Variants in AP1B1 observed in about 807,000 individuals in gnomAD.
AP1B1 encodes the protein AP-1 complex subunit beta-1.
AP1B1 carries 36 observed loss-of-function variants against 104.3 expected under a neutral mutation model. The observed-to-expected ratio is 0.35, with a 90% CI of 0.26 to 0.46. The LOEUF is 0.46. Among genes scored for constraint, AP1B1 ranks in the 20% least tolerant of loss-of-function variants. The probability of loss-of-function intolerance (pLI) is 1.00; values close to 1 mark genes in which losing one functional copy is unlikely to be tolerated. For missense variants in AP1B1, 901 were observed against 1,247.9 expected, an observed-to-expected ratio of 0.72 and a Z score of 4.19; for synonymous variants, 504 against 517.5, an observed-to-expected ratio of 0.97 and a Z score of 0.35.
chr22:29,365,863 G>A (rs543133434), intron 2 of AP1B1, among the ~76,000 whole-genome samples: 86 of 151,410 alleles, frequency 5.7e-4, no homozygotes, highest in Middle Eastern at 6.8e-3. Context: ...GTCCCCCCTG[G>A]ACCCAGTACA....
intron 1 of AP1B1, among the ~76,000 whole-genome samples, chr22:29,378,256 TAG>T (rs2062377482): frequency 1.3e-5 from 2 of 152,058 alleles, no homozygotes; most frequent in South Asian, 4.1e-4. Flanking sequence ...GAAAACTGAT[TAG>T]TCAAAATCAA....
intron 1 of AP1B1, among the ~76,000 whole-genome samples, chr22:29,386,235 C>G (rs961190460): frequency 1.3e-5 from 2 of 152,142 alleles, no homozygotes; most frequent in Admixed American, 6.5e-5. Flanking sequence ...GGAGGGCCAG[C>G]CTATGTCAAC....
At chr22:29,351,068 C>G in intron 9 of AP1B1, 103 bp downstream of exon 9, 1 of 1,191,540 alleles carries the variant, frequency 8.4e-7, no homozygotes, top group Non-Finnish European at 1.2e-6. Context: ...TCAGGCCTTC[C>G]CAGACCACAA....
At chr22:29,355,211 T>C (rs1014609067) in intron 6 of AP1B1, among the ~76,000 whole-genome samples, 1 of 151,350 alleles carries the variant, frequency 6.6e-6, no homozygotes, top group Non-Finnish European at 1.5e-5. Flanking sequence ...CACTCCAGCC[T>C]GGGCAACAGA....
At chr22:29,363,976 G>A (rs2062092743) in intron 2 of AP1B1, among the ~76,000 whole-genome samples, 2 of 152,252 alleles carry the variant, frequency 1.3e-5, no homozygotes, top group South Asian at 4.1e-4. Context: ...GAAGACAAAA[G>A]CATCAAAAAC....
At chr22:29,334,657 G>A (rs1012788769) in intron 16 of AP1B1, among the ~76,000 whole-genome samples, 1 of 152,218 alleles carries the variant, frequency 6.6e-6, no homozygotes, top group African/African-American at 2.4e-5. Flanking sequence ...GCACTTCAGC[G>A]CTCCAGGGCT....
chr22:29,361,285 G>A (rs2062042212), intron 3 of AP1B1, among the ~76,000 whole-genome samples: 1 of 152,154 alleles, frequency 6.6e-6, no homozygotes, highest in African/African-American at 2.4e-5. Context: ...TTTGCTTGGG[G>A]GGCGATCCAT....
At chr22:29,362,444 T>G (rs1033754684) in intron 3 of AP1B1, among the ~76,000 whole-genome samples, 2 of 152,014 alleles carry the variant, frequency 1.3e-5, no homozygotes, top group Admixed American at 1.3e-4. Context: ...TCTCCCAGGT[T>G]CAAGCAATTC....
intron 1 of AP1B1, chr22:29,370,452 CAAAAAAAA>C (rs747171000): frequency 1.8e-5 from 1 of 56,288 alleles, no homozygotes; most frequent in Admixed American, 1.9e-4. Flanking sequence ...GACTCAGTCT[CAAAAAAAA>C]AAAAAAAAAG....
intron 2 of AP1B1, among the ~76,000 whole-genome samples, chr22:29,363,900 A>T (rs2148013814): frequency 6.6e-6 from 1 of 152,280 alleles, no homozygotes; most frequent in Non-Finnish European, 1.5e-5. Flanking sequence ...GTCTCCAAAA[A>T]AAAAAAGTTT....
Position 29,363,047 on chromosome 22 carries a change from C to CCTCCTTCTTCTT in AP1B1, c.85_96dup (p.Lys29_Glu32dup), listed in dbSNP as rs1196828296. The CCTCCTTCTTCTT allele has an allele frequency of 1.2e-6, 2 of 1,604,120 alleles. No individual in the cohort carries two copies. Among genetic ancestry groups the CCTCCTTCTTCTT allele is most frequent in the African/African-American group, 2.7e-5 (2 of 74,698 alleles). On this transcript the variant is annotated inframe_insertion, in exon 3 of 23. Coordinates refer to ENST00000357586, the MANE Select transcript of AP1B1 (RefSeq NM_001127.4). ...ATCGATGCAATCACTTTCTTCACTG[C>CCTCCTTCTTCTT]CTCCTTCTTCTTCTCCTTCTTGTCA...
intron 22 of AP1B1, 91 bp downstream of exon 22, chr22:29,329,621 G>C (rs2061526831): frequency 1.3e-6 from 2 of 1,592,474 alleles, no homozygotes; most frequent in Non-Finnish European, 1.7e-6. Context: ...CAAGAGATGA[G>C]GTGCAGACAG....
At chr22:29,383,313 G>A in intron 1 of AP1B1, among the ~76,000 whole-genome samples, 1 of 152,174 alleles carries the variant, frequency 6.6e-6, no homozygotes, top group East Asian at 1.9e-4. Flanking sequence ...GATCCTAAAT[G>A]TAAGGAGGGT....
At chr22:29,350,201 T>A in intron 9 of AP1B1, 51 bp from the exon 10 acceptor site, 1 of 1,467,210 alleles carries the variant, frequency 6.8e-7, no homozygotes, top group South Asian at 1.1e-5. Flanking sequence ...CCATTTCCAG[T>A]AGAGCCTCTG....
intron 1 of AP1B1, among the ~76,000 whole-genome samples, chr22:29,369,663 C>G (rs1211735457): frequency 6.6e-6 from 1 of 152,160 alleles, no homozygotes; most frequent in Admixed American, 6.5e-5. Context: ...GTTCGCCCTC[C>G]TCTTTCATGC....
At chr22:29,353,743 T>A (rs950748808) in intron 7 of AP1B1, among the ~76,000 whole-genome samples, 3 of 152,216 alleles carry the variant, frequency 2.0e-5, no homozygotes, top group Non-Finnish European at 2.9e-5. Flanking sequence ...CCCAGTTCTC[T>A]GTGTAGCCCC....
intron 21 of AP1B1, 190 bp downstream of exon 21, chr22:29,330,186 GGT>G (rs1292576012): frequency 6.9e-7 from 1 of 1,447,324 alleles, no homozygotes; most frequent in Non-Finnish European, 9.1e-7. Flanking sequence ...AGACCCAATT[GGT>G]GTCTTATCTG....
At chr22:29,350,522 C>T (rs1251319439) in intron 9 of AP1B1, among the ~76,000 whole-genome samples, 1 of 152,186 alleles carries the variant, frequency 6.6e-6, no homozygotes. Flanking sequence ...CTCACAGAAC[C>T]TCTGACTGCT....
chr22:29,330,645 G>C lies in AP1B1; in HGVS notation c.2589C>G (p.Ile863Met), dbSNP rs1379683295. 1 of 1,613,966 alleles carries C rather than the reference G, an allele frequency of 6.2e-7. No homozygotes were observed. The highest frequency in any genetic ancestry group is 1.7e-5 in the Admixed American group (1 of 60,026). The change falls in exon 20 of 23, where the codon ATC (isoleucine) becomes ATG (methionine). Residue 863 changes from isoleucine to methionine, a missense_variant. Transcript: ENST00000357586. ...CACCTGCATTGAGGGGGCAGTCTCT[G>C]ATCTGGAACTGGGCCTCATTCTCAT... is the stretch of plus-strand genomic sequence containing the variant. ...IPNENEAQFQ[I>M]RDCPLNAEAA...
Sources: gnomAD v4.1 joint callset for allele counts (sites outside exome capture counted in the v4.1 genomes callset) on GRCh38, gnomAD v4.1.1 for gene constraint, MANE v1.5 for transcripts, NCBI Gene and HGNC (gene_info 2026-07-23, HGNC 2026-07-21) for gene names.